Variants in PIK3R2 observed in about 807,000 individuals in gnomAD.
The protein encoded by PIK3R2 is phosphoinositide-3-kinase regulatory subunit 2, also known as phosphatidylinositol 3-kinase regulatory subunit beta.
PIK3R2 carries 40 observed loss-of-function variants against 78.5 expected under a neutral mutation model. That is an observed-to-expected ratio of 0.51 (90% CI 0.40 to 0.66). PIK3R2 has a LOEUF of 0.66. Among genes scored for constraint, PIK3R2 ranks in the 30% least tolerant of loss-of-function variants. The pLI is 0.00. For missense variants in PIK3R2, 880 were observed against 1,026.6 expected (o/e 0.86, Z 1.95); for synonymous variants, 473 against 457.7 (o/e 1.03, Z -0.43).
rs553673157 is a variant in PIK3R2 at position 18,160,494 on chromosome 19, G to A, written c.346G>A (p.Glu116Lys). The A allele has an allele frequency of 6.2e-6, 10 of 1,613,550 alleles. No homozygotes were observed. The highest frequency in any genetic ancestry group is 2.2e-5 in the East Asian group (1 of 44,858). The change falls in exon 3 of 16, where the codon GAG (glutamate) becomes AAG (lysine). Residue 116 changes from glutamate (E) to lysine (K), a missense_variant. Physicochemically the swap from Glu to Lys is moderately conservative, Grantham distance 56 (BLOSUM62 1). Around this residue, in one of 3 missense-constraint regions of PIK3R2, gnomAD observed 456 missense variants for 486.6 expected, o/e 0.94. Transcript: ENST00000222254. ...EPGLTLPDLPEQFSPPDVAPP... is the reference protein window; with the variant it reads ...EPGLTLPDLPKQFSPPDVAPP... ...AGGCCTCACACTCCCCGACTTGCCC[G>A]AGCAGTTCTCCCCACCTGATGTGGC...
Position 18,156,020 on chromosome 19 carries a change from CG to C in PIK3R2, c.142del (p.Glu48SerfsTer82). 1 of 1,558,434 alleles carries C rather than the reference CG, an allele frequency of 6.4e-7. No homozygotes were observed. The highest frequency in any genetic ancestry group is 8.7e-7 in the Non-Finnish European group (1 of 1,151,614). Reference sequence around the variant, plus strand: ...AGGCGCTGGGCGTGGCCGAGGGTGGCGAGCGCTGCCCACAGAGCGTGGGCTG... The same window carrying C: ...AGGCGCTGGGCGTGGCCGAGGGTGGCAGCGCTGCCCACAGAGCGTGGGCTG... ...LQALGVAEGGERCPQSVGWMP... is the reference protein window; with the variant it reads ...LQALGVAEGGXRCPQSVGWMP... On this transcript the variant is annotated frameshift_variant, in exon 2 of 16. Transcript: ENST00000222254. LOFTEE classifies it high-confidence loss of function. This position sits in a 1 kb window ranked among gnomAD's most constrained non-coding sequence, Gnocchi z 4.2.
Position 18,162,423 on chromosome 19 carries a change from G to T in PIK3R2, c.1026G>T (p.Glu342Asp). The change falls in exon 9 of 16, where the codon GAG becomes GAT. Residue 342 changes from glutamate to aspartate, a missense_variant. This residue lies in a region of PIK3R2 where 156 missense variants were observed against 241.0 expected (regional missense o/e 0.65). Transcript: ENST00000222254. ...WGDISREEVN[E>D]KLRDTPDGTF... ...GTTCCCACAGGGAGGAGGTGAACGAGAAACTCCGGGACACTCCCGATGGCA... is the reference window on the plus strand; with the variant it reads ...GTTCCCACAGGGAGGAGGTGAACGATAAACTCCGGGACACTCCCGATGGCA... 1.9e-6 allele frequency: 3 copies of T among 1,613,530 alleles called. No homozygotes were observed. Among genetic ancestry groups the T allele is most frequent in the Non-Finnish European group, 2.5e-6 (3 of 1,179,964 alleles).
At chr19:18,162,824 A>T in intron 9 of PIK3R2, 143 bp from the exon 10 acceptor site, 1 of 688,444 alleles carries the variant, frequency 1.5e-6, no homozygotes, top group Non-Finnish European at 2.4e-6. Context: ...CGGGAGGTGG[A>T]GGTTGCAGTG....
Position 18,162,379 on chromosome 19 carries a change from G to A in PIK3R2, c.1011-29G>A, listed in dbSNP as rs187350846. On this transcript the variant is annotated intron_variant, in intron 8 of 15. Transcript: ENST00000222254. ...GGTGAGCGGGGTCTCCAGGTGGCTC[G>A]GCAGTCCCAATGTTGGATGTTCCCA... 1.6e-4 allele frequency: 261 copies of A among 1,607,630 alleles called. No homozygotes were observed. The African/African-American group carries it at 2.8e-3, about 17-fold the overall frequency.
intron 11 of PIK3R2, among the ~76,000 whole-genome samples, chr19:18,163,822 TA>T (rs1222655621): frequency 3.5e-4 from 1 of 2,892 alleles, no homozygotes; most frequent in African/African-American, 5.1e-4. Context: ...ACCTTGTCTC[TA>T]AAAACAGAAA....
chr19:18,155,409 G>A (rs2043666413), intron 1 of PIK3R2, 48 bp from the exon 2 acceptor site: 5 of 384,612 alleles, frequency 1.3e-5, no homozygotes, highest in Admixed American at 4.5e-5. Flanking sequence ...CGTGTTGGGG[G>A]TGAGAGGAGT....
chr19:18,161,310 G>C lies in PIK3R2; in HGVS notation c.630G>C (p.Glu210Asp), dbSNP rs1370552714. ...EAAGPVGPALEPPTLPLHRAL... is the reference protein window; with the variant it reads ...EAAGPVGPALDPPTLPLHRAL... ...CGGGGCCCGTGGGGCCGGCGCTGGA[G>C]CCACCGACGCTGCCGCTGCACCGCG... Residue 210 changes from glutamate (E) to aspartate (D), a missense_variant, in exon 6 of 16, where the codon GAG becomes GAC. Coordinates refer to ENST00000222254, the MANE Select transcript of PIK3R2 (RefSeq NM_005027.4). This position sits in a 1 kb window ranked among gnomAD's most constrained non-coding sequence, Gnocchi z 5.3. 1 of 1,356,204 alleles carries C rather than the reference G, an allele frequency of 7.4e-7. No individual in the cohort carries two copies. The highest frequency in any genetic ancestry group is 9.4e-7 in the Non-Finnish European group (1 of 1,060,612). The allele number at this position is 1,356,204 out of a possible 1,614,324, so 84.0% of individuals were successfully genotyped here.
intron 2 of PIK3R2, among the ~76,000 whole-genome samples, chr19:18,159,322 A>G (rs118163524): frequency 0.015 from 2,282 of 151,800 alleles, 23 homozygotes; most frequent in Middle Eastern, 0.027. Context: ...ATGTTTCTGG[A>G]GGCTGGAAGT....
chr19:18,161,155 G>A lies in PIK3R2; in HGVS notation c.568G>A (p.Ala190Thr), dbSNP rs2043739265. 18 of 1,549,938 alleles carry A rather than the reference G, an allele frequency of 1.2e-5. No individual in the cohort carries two copies. The highest frequency in any genetic ancestry group is 1.6e-5 in the Non-Finnish European group (18 of 1,147,614). ...ALPAPLVTPE[A>T]SAEARRALRE... ...GCCCGCGCCGCTCGTGACCCCCGAG[G>A]CCTCGGCCGAGGCGCGCCGGGCCCT... The change falls in exon 5 of 16, where the codon GCC becomes ACC. Residue 190 changes from alanine (A) to threonine (T), a missense_variant. Around this residue, in one of 3 missense-constraint regions of PIK3R2, gnomAD observed 456 missense variants for 486.6 expected, o/e 0.94. Coordinates refer to ENST00000222254, the MANE Select transcript of PIK3R2 (RefSeq NM_005027.4). This position sits in a 1 kb window ranked among gnomAD's most constrained non-coding sequence, Gnocchi z 5.3.
chr19:18,154,054 C>A (rs2043651169), intron 1 of PIK3R2, among the ~76,000 whole-genome samples: 1 of 152,192 alleles, frequency 6.6e-6, no homozygotes, highest in Non-Finnish European at 1.5e-5. Flanking sequence ...TAGCACCTAT[C>A]CTTATAGCCA....
At chr19:18,162,741 T>A in intron 9 of PIK3R2, 10 of 585,398 alleles carry the variant, frequency 1.7e-5, no homozygotes, top group Admixed American at 3.1e-5. Context: ...AAAAAAAAAA[T>A]TAGCCAGGCA....
rs2043751259 is a variant in PIK3R2 at position 18,161,857 on chromosome 19, A to G, written c.816-109A>G. 4.6e-6 allele frequency: 4 copies of G among 878,460 alleles called. No individual in the cohort carries two copies. Among genetic ancestry groups the G allele is most frequent in the Non-Finnish European group, 7.5e-6 (4 of 535,394 alleles). The allele number at this position is 878,460 out of a possible 1,614,324, so 54.4% of individuals were successfully genotyped here. A position where few individuals can be genotyped will look rare whatever the true frequency, so the allele number is the denominator to read the frequency against. On this transcript the variant is annotated intron_variant, in intron 6 of 15. Coordinates refer to ENST00000222254, the MANE Select transcript of PIK3R2 (RefSeq NM_005027.4). The surrounding 1 kb of genome is among the most constrained non-coding windows in gnomAD (Gnocchi z 5.3). ...TATCATCTCCTCCTCCGCCCTGCAC[A>G]TACTGTCTCGTATATACCCCCAGGC...
chr19:18,163,602 T>C (rs2043775959), intron 11 of PIK3R2, among the ~76,000 whole-genome samples: 1 of 151,958 alleles, frequency 6.6e-6, no homozygotes, highest in Non-Finnish European at 1.5e-5. Context: ...GACAGGAGGA[T>C]CACTTGAGCC....
Position 18,160,912 on chromosome 19 carries a change from C to T in PIK3R2, c.416-7C>T. The T allele has an allele frequency of 1.2e-6, 2 of 1,605,790 alleles. No homozygotes were observed. Among genetic ancestry groups the T allele is most frequent in the South Asian group, 1.1e-5 (1 of 89,662 alleles). ...AGAGCTGACTCGCCTGTCCCCTTCA[C>T]CCCCAGGGCTGGACAGCGAATCTCA... On this transcript the variant is annotated splice_region_variant and splice_polypyrimidine_tract_variant and intron_variant, in intron 3 of 15. Transcript: ENST00000222254.
At chr19:18,154,031 GC>G (rs2147942942) in intron 1 of PIK3R2, among the ~76,000 whole-genome samples, 1 of 152,276 alleles carries the variant, frequency 6.6e-6, no homozygotes, top group Non-Finnish European at 1.5e-5. Flanking sequence ...TGACACTCGG[GC>G]CTCTTGGTGG....
rs2043825281 is a variant in PIK3R2, at chr19:18,167,880, A to G, written c.1736+574A>G. ...CTCTGCCTCAGAAAAGAAAAGAAAA[A>G]AAAAATCGCCTGCTGTGCAACCTAC... On this transcript the variant is annotated intron_variant, in intron 13 of 15. Coordinates refer to ENST00000222254, the MANE Select transcript of PIK3R2 (RefSeq NM_005027.4). The surrounding 1 kb of genome is among the most constrained non-coding windows in gnomAD (Gnocchi z 4.5). 6.6e-6 allele frequency among the ~76,000 whole-genome samples: 1 copy of G among 151,974 alleles called. No homozygotes were observed. Among genetic ancestry groups the G allele is most frequent in the Non-Finnish European group, 1.5e-5 (1 of 68,006 alleles).
chr19:18,169,029 G>A, intron 15 of PIK3R2, 58 bp from the exon 16 acceptor site: 7 of 1,579,204 alleles, frequency 4.4e-6, no homozygotes, highest in Non-Finnish European at 6.1e-6. Flanking sequence ...GCCCTGGAAC[G>A]GGGAAAGCTT....
At chr19:18,160,280 A>T (rs1323436838) in intron 2 of PIK3R2, among the ~76,000 whole-genome samples, 191 bp from the exon 3 acceptor site, 1 of 152,152 alleles carries the variant, frequency 6.6e-6, no homozygotes, top group Non-Finnish European at 1.5e-5. Flanking sequence ...GTGTCCCATC[A>T]ATTCTGCCCT....
At position 18,163,124 on chromosome 19, in the gene PIK3R2, TA is replaced by T; in HGVS notation, c.1268del (p.Tyr423SerfsTer54). The T allele has an allele frequency of 6.2e-7, 1 of 1,613,946 alleles. No homozygotes were observed. Among genetic ancestry groups the T allele is most frequent in the Non-Finnish European group, 8.5e-7 (1 of 1,179,950 alleles). On this transcript the variant is annotated frameshift_variant, in exon 10 of 16. Coordinates refer to ENST00000222254, the MANE Select transcript of PIK3R2 (RefSeq NM_005027.4). LOFTEE classifies it high-confidence loss of function. Reference protein sequence around the residue: ...YNAKLDTRLLYPVSKYQQDQI... With the variant: ...YNAKLDTRLLXPVSKYQQDQI... ...TGCCAAGCTGGACACACGGCTCCTC[TA>T]CCCTGTGTCCAAATACCAGCAGGTC...
Sources: allele counts gnomAD v4.1 joint callset (sites outside exome capture counted in the v4.1 genomes callset), GRCh38; gene constraint gnomAD v4.1.1; regional missense constraint gnomAD v4.1.1; non-coding constraint Gnocchi (gnomAD v3.1); transcripts MANE v1.5; gene names NCBI Gene and HGNC (gene_info 2026-07-23, HGNC 2026-07-21).